The following DSCAM variants were observed in gnomAD, a reference collection of about 807,000 sequenced individuals.
The protein encoded by DSCAM is cell adhesion molecule DSCAM.
Under a neutral mutation model 217.7 loss-of-function variants are expected in DSCAM, and 47 were observed. That is an observed-to-expected ratio of 0.22 (90% CI 0.17 to 0.28). The LOEUF (loss-of-function observed/expected upper bound fraction) is 0.28. Ranked by LOEUF, DSCAM falls within the 10% of genes least tolerant of loss-of-function variation. The pLI is 1.00. For synonymous variants in DSCAM, 1,056 were observed against 1,015.3 expected, an observed-to-expected ratio of 1.04 and a Z score of -0.76; for missense variants, 2,080 against 2,618.3, an observed-to-expected ratio of 0.79 and a Z score of 4.49.
chr21:40,614,493 C>A (rs950420444), intron 3 of DSCAM, among the ~76,000 whole-genome samples: 1 of 152,070 alleles, frequency 6.6e-6, no homozygotes. Flanking sequence ...AAAAGACCTA[C>A]TGTGTGAAAT....
In DSCAM at chr21:40,078,577, TG is replaced by T; in HGVS notation, c.4711+109del. The T allele has an allele frequency of 2.1e-6, 3 of 1,427,006 alleles. No individual in the cohort carries two copies. In the East Asian group the frequency reaches 7.2e-5, roughly 34 times the overall value. 88.4% of individuals were successfully genotyped at this position (1,427,006 alleles called of 1,614,324 possible). On this transcript the variant is annotated intron_variant, in intron 26 of 32. Coordinates refer to ENST00000400454, the MANE Select transcript of DSCAM (RefSeq NM_001389.5). ...AATCCCGAAAGCCTAATGGGCTCCG[TG>T]GGCACTGGTCAAACTATGGCAAAGA...
At chr21:40,704,685 C>T (rs1044247154) in intron 2 of DSCAM, among the ~76,000 whole-genome samples, 8 of 152,036 alleles carry the variant, frequency 5.3e-5, no homozygotes, top group East Asian at 3.9e-4. Flanking sequence ...CACTGCACTC[C>T]GACCTGGACA....
chr21:40,578,446 AGACCAATCAGCACTCTGTAAAACG>A (rs1309999851), intron 3 of DSCAM, among the ~76,000 whole-genome samples: 2 of 83,892 alleles, frequency 2.4e-5, no homozygotes, highest in South Asian at 7.4e-4. Context: ...TCTGTAAAAC[AGACCAATCAGCACTCTGTAAAACG>A]GACCAATCAG....
chr21:40,535,971 C>G (rs538171648), intron 3 of DSCAM, among the ~76,000 whole-genome samples: 1 of 152,322 alleles, frequency 6.6e-6, no homozygotes, highest in Non-Finnish European at 1.5e-5. Context: ...GAGGTAAGTG[C>G]TGTGGCCAAT....
intron 24 of DSCAM, 62 bp from the exon 25 acceptor site, chr21:40,080,402 A>ATGCT (rs2089438694): frequency 7.3e-7 from 1 of 1,366,176 alleles, no homozygotes; most frequent in Non-Finnish European, 9.8e-7. Context: ...AAGTGGACTG[A>ATGCT]TGCTTGCATT....
chr21:40,735,347 A>T (rs981561042), intron 1 of DSCAM, among the ~76,000 whole-genome samples: 2 of 152,218 alleles, frequency 1.3e-5, no homozygotes, highest in Non-Finnish European at 2.9e-5. Flanking sequence ...GAACGTATAC[A>T]ATTTACAGCA....
intron 9 of DSCAM, among the ~76,000 whole-genome samples, chr21:40,308,033 T>A (rs1432784130): frequency 6.6e-6 from 1 of 151,874 alleles, no homozygotes; most frequent in Non-Finnish European, 1.5e-5. Flanking sequence ...TGTATACATA[T>A]GTAACTAACC....
intron 3 of DSCAM, among the ~76,000 whole-genome samples, chr21:40,405,160 A>C (rs997423427): frequency 1.3e-5 from 2 of 152,154 alleles, no homozygotes; most frequent in African/African-American, 4.8e-5. Context: ...TAAAAATAAT[A>C]ATTTTCATAC....
intron 3 of DSCAM, among the ~76,000 whole-genome samples, chr21:40,559,384 G>A (rs538668439): frequency 6.6e-6 from 1 of 152,000 alleles, no homozygotes; most frequent in Admixed American, 6.5e-5. Flanking sequence ...CGTAAACCCG[G>A]GGGGTGGAGC....
chr21:40,127,322 C>G (rs1448460483), intron 19 of DSCAM, among the ~76,000 whole-genome samples: 1 of 152,128 alleles, frequency 6.6e-6, no homozygotes, highest in African/African-American at 2.4e-5. Flanking sequence ...TTGCAGAAGA[C>G]AGAGATGGCA....
chr21:40,663,377 C>T (rs1350549008), intron 3 of DSCAM, among the ~76,000 whole-genome samples: 2 of 151,842 alleles, frequency 1.3e-5, no homozygotes, highest in African/African-American at 2.4e-5. Context: ...CACTGAACAC[C>T]TCCATATGCA....
intron 16 of DSCAM, among the ~76,000 whole-genome samples, chr21:40,151,134 G>A (rs2090419159): frequency 6.6e-6 from 1 of 152,162 alleles, no homozygotes; most frequent in South Asian, 2.1e-4. Context: ...CCTCCTGGGT[G>A]TTGCTTGCTC....
intron 3 of DSCAM, among the ~76,000 whole-genome samples, chr21:40,467,580 A>C (rs1448437640): frequency 6.6e-6 from 1 of 152,192 alleles, no homozygotes; most frequent in East Asian, 1.9e-4. Context: ...GTGTAAGAGA[A>C]GAATCAACAC....
intron 26 of DSCAM, among the ~76,000 whole-genome samples, chr21:40,076,266 G>C (rs570189408): frequency 6.6e-6 from 1 of 152,186 alleles, no homozygotes; most frequent in South Asian, 2.1e-4. Context: ...CAGGAAAGAG[G>C]CACTTACAGG....
intron 14 of DSCAM, 139 bp downstream of exon 14, chr21:40,186,992 G>T: frequency 9.5e-7 from 1 of 1,051,702 alleles, no homozygotes; most frequent in Non-Finnish European, 1.3e-6. Flanking sequence ...TGTGCTTCCA[G>T]CAAGGAGACT....
intron 11 of DSCAM, among the ~76,000 whole-genome samples, chr21:40,238,794 G>A (rs1362726171): frequency 6.6e-6 from 1 of 152,078 alleles, no homozygotes; most frequent in Non-Finnish European, 1.5e-5. Context: ...TGCAGTACTC[G>A]GGAGGAATTA....
chr21:40,498,564 T>C (rs2076137536), intron 3 of DSCAM, among the ~76,000 whole-genome samples: 1 of 149,562 alleles, frequency 6.7e-6, no homozygotes, highest in Non-Finnish European at 1.5e-5. Flanking sequence ...ATTTCACATA[T>C]ACCTATGTAA....
intron 3 of DSCAM, among the ~76,000 whole-genome samples, chr21:40,478,926 C>T (rs565709936): frequency 1.6e-4 from 25 of 152,234 alleles, no homozygotes; most frequent in Middle Eastern, 3.4e-3. Context: ...AAACAATATA[C>T]TGTATTCTGA....
chr21:40,246,374 A>G (rs1276095632), intron 11 of DSCAM, among the ~76,000 whole-genome samples: 1 of 146,442 alleles, frequency 6.8e-6, no homozygotes, highest in Non-Finnish European at 1.5e-5. Context: ...AAAAAAAAAA[A>G]AAAAAAAAAA....
Sources: gnomAD v4.1 joint callset for allele counts (sites outside exome capture counted in the v4.1 genomes callset) on GRCh38, gnomAD v4.1.1 for gene constraint, MANE v1.5 for transcripts, NCBI Gene and HGNC (gene_info 2026-07-23, HGNC 2026-07-21) for gene names.